PDS5A: variants seen among roughly 807,000 people sequenced by gnomAD.
PDS5A encodes sister chromatid cohesion protein PDS5 homolog A.
In PDS5A, 42 loss-of-function variants were observed where a neutral mutation model predicts 167.1. The ratio of observed to expected loss-of-function variants is 0.25; its 90% CI spans 0.20 to 0.33. The LOEUF (loss-of-function observed/expected upper bound fraction) is 0.33, where lower values mean the gene tolerates loss of function less well. Ranked by LOEUF, PDS5A falls within the 10% of genes least tolerant of loss-of-function variation. The pLI, the probability that PDS5A is intolerant of heterozygous loss-of-function variation, is 1.00. For synonymous variants in PDS5A, 553 were observed against 554.6 expected, an observed-to-expected ratio of 1.00 and a Z score of 0.04; for missense variants, 1,033 against 1,605.9, an observed-to-expected ratio of 0.64 and a Z score of 6.10.
At chr4:39,905,444 G>T (rs1393440015) in intron 11 of PDS5A, among the ~76,000 whole-genome samples, 1 of 152,186 alleles carries the variant, frequency 6.6e-6, no homozygotes, top group Non-Finnish European at 1.5e-5. Context: ...ACTAATTCCA[G>T]CTACTTGGGA....
chr4:39,933,639 A>G (rs1347431833), intron 2 of PDS5A: 1 of 152,186 alleles, frequency 6.6e-6, no homozygotes, highest in African/African-American at 2.4e-5. Flanking sequence ...CACATGGAAA[A>G]GAAGGACCAC....
chr4:39,904,020 T>C lies in PDS5A; in HGVS notation c.1385+20A>G, dbSNP rs762322959. The C allele has an allele frequency of 3.3e-6, 5 of 1,520,726 alleles. No homozygotes were observed. In the Admixed American group the frequency reaches 5.8e-5, roughly 18 times the overall value. The allele number at this position is 1,520,726 out of a possible 1,614,324, so 94.2% of individuals were successfully genotyped here. The stretch of plus-strand genomic sequence containing the variant: ...AAAGTAGTTTTACACTCAACCATTC[T>C]ACCAACATATTAAACTCACTTGTCG... On this transcript the variant is annotated intron_variant, in intron 12 of 32. Transcript: ENST00000303538.
At chr4:39,888,303 G>T (rs947112453) in intron 17 of PDS5A, among the ~76,000 whole-genome samples, 1 of 150,418 alleles carries the variant, frequency 6.6e-6, no homozygotes, top group African/African-American at 2.4e-5. Flanking sequence ...AACGGATGCC[G>T]GCGAGGATGT....
In PDS5A at chr4:39,845,868, C is replaced by T. The variant is rs910519100; in HGVS notation, c.3352G>A (p.Asp1118Asn). The change falls in exon 29 of 33, where the codon GAT becomes AAT. Residue 1118 changes from aspartate to asparagine, a missense_variant. Asp to Asn is a conservative substitution (Grantham distance 23, BLOSUM62 1). Coordinates refer to ENST00000303538, the MANE Select transcript of PDS5A (RefSeq NM_001100399.2). ...GTCTCTTCTGAAATATAACTCTTAT[C>T]GTTACAGAAGTCCTATTAAAAAAAA... ...FTQPEKDFCNDKSYISEETRV... is the reference protein window; with the variant it reads ...FTQPEKDFCNNKSYISEETRV... 14 of 1,364,432 alleles carry T rather than the reference C, an allele frequency of 1.0e-5. No individual in the cohort carries two copies. Among genetic ancestry groups the T allele is most frequent in the South Asian group, 1.7e-5 (1 of 59,068 alleles). 84.5% of individuals were successfully genotyped at this position (1,364,432 alleles called of 1,614,324 possible). A position where few individuals can be genotyped will look rare whatever the true frequency, so the allele number is the denominator to read the frequency against.
At chr4:39,852,762 C>G (rs1718223717) in intron 26 of PDS5A, among the ~76,000 whole-genome samples, 1 of 152,260 alleles carries the variant, frequency 6.6e-6, no homozygotes, top group East Asian at 1.9e-4. Context: ...TGTTATCTAT[C>G]AGCTTCCCTA....
intron 2 of PDS5A, among the ~76,000 whole-genome samples, chr4:39,934,591 C>T (rs932765284): frequency 4.1e-5 from 6 of 145,000 alleles, no homozygotes; most frequent in Non-Finnish European, 7.5e-5. Flanking sequence ...TTATCTATTG[C>T]GGTCTTAGTA....
intron 32 of PDS5A, among the ~76,000 whole-genome samples, chr4:39,831,360 A>C (rs961048229): frequency 6.6e-6 from 1 of 151,950 alleles, no homozygotes; most frequent in African/African-American, 2.4e-5. Context: ...TGGCATCCTA[A>C]AGTGCTGGGA....
chr4:39,840,681 C>T (rs994589041), intron 31 of PDS5A, among the ~76,000 whole-genome samples: 2 of 151,966 alleles, frequency 1.3e-5, no homozygotes, highest in Non-Finnish European at 2.9e-5. Flanking sequence ...CAGGTGTGAG[C>T]CACTGCGCCG....
chr4:39,945,680 T>G (rs1727688580), intron 2 of PDS5A, among the ~76,000 whole-genome samples: 1 of 152,112 alleles, frequency 6.6e-6, no homozygotes, highest in African/African-American at 2.4e-5. Flanking sequence ...TGTCACAATT[T>G]AGTTAGATGA....
intron 8 of PDS5A, among the ~76,000 whole-genome samples, chr4:39,915,623 G>A (rs1477252421): frequency 6.6e-6 from 1 of 152,052 alleles, no homozygotes; most frequent in Non-Finnish European, 1.5e-5. Context: ...ACCTCCCAAA[G>A]TGCTGGGATT....
At chr4:39,883,803 G>A (rs1469137192) in intron 17 of PDS5A, among the ~76,000 whole-genome samples, 2 of 151,794 alleles carry the variant, frequency 1.3e-5, no homozygotes, top group African/African-American at 4.8e-5. Context: ...GCTAATTTCT[G>A]TATTTTTGTA....
rs1464869658 is a variant in PDS5A at position 39,977,692 on chromosome 4, T to G, written c.-276A>C. 6.7e-6 allele frequency: 1 copy of G among 150,172 alleles called. No homozygotes were observed. Among genetic ancestry groups the G allele is most frequent in the African/African-American group, 2.4e-5 (1 of 41,020 alleles). The allele number at this position is 150,172 out of a possible 1,614,324, so 9.3% of individuals were successfully genotyped here. ...GGCGGGGAGACAGTGCCGCTCTCCG[T>G]CTGGCCGAGGAAGAGCAGCCTCGAA... On this transcript the variant is annotated 5_prime_UTR_variant, in exon 1 of 33. Coordinates refer to ENST00000303538, the MANE Select transcript of PDS5A (RefSeq NM_001100399.2). This position sits in a 1 kb window ranked among gnomAD's most constrained non-coding sequence, Gnocchi z 4.2.
chr4:39,944,246 G>T (rs1288799010), intron 2 of PDS5A, among the ~76,000 whole-genome samples: 1 of 151,244 alleles, frequency 6.6e-6, no homozygotes, highest in Non-Finnish European at 1.5e-5. Context: ...GTAAGAAATG[G>T]TTTACTCCAT....
intron 32 of PDS5A, among the ~76,000 whole-genome samples, chr4:39,829,868 G>A (rs1002484880): frequency 1.5e-5 from 2 of 137,078 alleles, no homozygotes; most frequent in South Asian, 4.9e-4. Context: ...GGAGAATGGC[G>A]TGAGCCCAGG....
chr4:39,927,553 C>T (rs1170843466), intron 3 of PDS5A, among the ~76,000 whole-genome samples: 1 of 151,900 alleles, frequency 6.6e-6, no homozygotes, highest in East Asian at 1.9e-4. Context: ...GCAGAACAAC[C>T]AAGATGAGCA....
intron 17 of PDS5A, among the ~76,000 whole-genome samples, chr4:39,880,305 T>C (rs1009988626): frequency 1.3e-5 from 2 of 152,148 alleles, no homozygotes; most frequent in African/African-American, 4.8e-5. Flanking sequence ...AAGCAAGTCA[T>C]TGGAAGCATC....
At chr4:39,832,793 G>C (rs1267959323) in intron 32 of PDS5A, among the ~76,000 whole-genome samples, 1 of 151,836 alleles carries the variant, frequency 6.6e-6, no homozygotes, top group Non-Finnish European at 1.5e-5. Flanking sequence ...TGCTCTCATA[G>C]AACAAAGTGA....
chr4:39,862,511 C>T (rs1178322956), intron 25 of PDS5A, among the ~76,000 whole-genome samples, 178 bp from the exon 26 acceptor site: 1 of 152,056 alleles, frequency 6.6e-6, no homozygotes, highest in Non-Finnish European at 1.5e-5. Flanking sequence ...ACCTGGTATG[C>T]AGTTGTATTT....
At chr4:39,893,735 G>A (rs1235058150) in intron 16 of PDS5A, among the ~76,000 whole-genome samples, 1 of 152,182 alleles carries the variant, frequency 6.6e-6, no homozygotes, top group Admixed American at 6.5e-5. Flanking sequence ...GTGTGCCTAA[G>A]GGAGGTATTC....
Sources: allele counts gnomAD v4.1 joint callset (sites outside exome capture counted in the v4.1 genomes callset), GRCh38; gene constraint gnomAD v4.1.1; non-coding constraint Gnocchi (gnomAD v3.1); transcripts MANE v1.5; gene names NCBI Gene and HGNC (gene_info 2026-07-23, HGNC 2026-07-21).